The following RBM4B variants were observed in gnomAD, a reference collection of about 807,000 sequenced individuals.
The protein encoded by RBM4B is RNA binding motif protein 4B, also known as RNA-binding protein 4B.
RBM4B carries 13 observed loss-of-function variants against 28.5 expected under a neutral mutation model. That is an observed-to-expected ratio of 0.46 (90% CI 0.30 to 0.72). The LOEUF (loss-of-function observed/expected upper bound fraction) is 0.72. RBM4B is among the 30% of genes least tolerant of loss of function. RBM4B has a pLI of 0.09. For synonymous variants in RBM4B, 167 were observed against 179.1 expected (o/e 0.93, Z 0.54); for missense variants, 387 against 477.6 (o/e 0.81, Z 1.77).
rs145628127 is a variant in RBM4B, at chr11:66,668,646, C to T, written c.1058G>A (p.Arg353Gln). Residue 353 changes from arginine (R) to glutamine (Q), a missense_variant, in exon 3 of 4, where the codon CGA (arginine) becomes CAA (glutamine). Transcript: ENST00000310046. Reference protein sequence around the residue: ...ARYEREQYVDRARYSAF With the variant: ...ARYEREQYVDQARYSAF ...TTTTTAAAAGGCTGAGTACCGGGCT[C>T]GGTCCACATACTGCTCCCGTTCATA... 6.9e-5 allele frequency: 110 copies of T among 1,605,522 alleles called. No individual in the cohort carries two copies. Among genetic ancestry groups the T allele is most frequent in the Non-Finnish European group, 8.7e-5 (102 of 1,172,772 alleles).
chr11:66,672,497 A>T (rs560383381), intron 2 of RBM4B, among the ~76,000 whole-genome samples: 41 of 139,172 alleles, frequency 2.9e-4, no homozygotes, highest in African/African-American at 1.1e-3. Context: ...TATTTTTATT[A>T]ATTTTTTTGG....
chr11:66,676,692 C>A lies in RBM4B; in HGVS notation c.388G>T (p.Gly130Cys), dbSNP rs1263114201. The A allele has an allele frequency of 6.2e-7, 1 of 1,613,898 alleles. No homozygotes were observed. The highest frequency in any genetic ancestry group is 1.3e-5 in the African/African-American group (1 of 74,904). ...CCTTGAAACTCTGTGTTGTCAAGGC[C>A]CCTGATGGCCTCCACTGCATCCTCT... ...RAEDAVEAIR[G>C]LDNTEFQGKR... Residue 130 changes from glycine (G) to cysteine (C), a missense_variant, in exon 2 of 4, where the codon GGC becomes TGC. Gly to Cys is a radical substitution (Grantham distance 159). Transcript: ENST00000310046.
intron 2 of RBM4B, among the ~76,000 whole-genome samples, chr11:66,672,505 T>TTG (rs1554972766): frequency 2.8e-4 from 38 of 135,946 alleles, no homozygotes; most frequent in South Asian, 4.9e-4. Context: ...TTAATTTTTT[T>TTG]GGGGGGGGGG....
chr11:66,677,276 C>G (rs1939670579), intron 1 of RBM4B, 185 bp from the exon 2 acceptor site: 1 of 713,456 alleles, frequency 1.4e-6, no homozygotes. Flanking sequence ...GCGTGACATG[C>G]AAACAGGAGG....
intron 3 of RBM4B, chr11:66,668,292 A>T: frequency 2.0e-5 from 5 of 246,474 alleles, no homozygotes; most frequent in South Asian, 1.8e-4. Context: ...TGATATACAG[A>T]GGGCACATAA....
chr11:66,676,365 A>G (rs1417646343), intron 2 of RBM4B: 6 of 528,156 alleles, frequency 1.1e-5, no homozygotes, highest in Non-Finnish European at 1.7e-5. Context: ...CTCATGAGGT[A>G]CTCGTTTCCC....
Position 66,665,581 on chromosome 11 carries a change from G to T in RBM4B, c.*10-3C>A. On this transcript the variant is annotated splice_polypyrimidine_tract_variant and splice_region_variant and intron_variant, in intron 3 of 3. Coordinates refer to ENST00000310046, the MANE Select transcript of RBM4B (RefSeq NM_031492.4). The stretch of plus-strand genomic sequence containing the variant: ...GGTTCAGTCCGCAATTATCCTACCT[G>T]AAAGAGAGCACAACACAAGAGGCTT... The T allele has an allele frequency of 6.5e-7, 1 of 1,535,900 alleles. No individual in the cohort carries two copies. Among genetic ancestry groups the T allele is most frequent in the Non-Finnish European group, 8.7e-7 (1 of 1,146,786 alleles).
chr11:66,672,504 T>TGG (rs1183341363), intron 2 of RBM4B, among the ~76,000 whole-genome samples: 188 of 144,634 alleles, frequency 1.3e-3, no homozygotes, highest in African/African-American at 4.0e-3. Context: ...ATTAATTTTT[T>TGG]TGGGGGGGGG....
In RBM4B at chr11:66,668,744, G is replaced by A. The variant is rs763719303; in HGVS notation, c.960C>T (p.Tyr320=). ...ATAATTCACTCTCTGGCCCATAACC[G>A]TAGCCCTCTCCAACTGTGGGGAGCA... ...AAMLPTVGEG[Y]GYGPESELSQ... is the part of the protein sequence containing the mutation. The change falls in exon 3 of 4, where the codon TAC becomes TAT. Residue 320 remains tyrosine (Y), a synonymous_variant. Transcript: ENST00000310046. 4.3e-5 allele frequency: 70 copies of A among 1,614,040 alleles called. No individual in the cohort carries two copies. The highest frequency in any genetic ancestry group is 4.2e-4 in the South Asian group (38 of 91,092).
At chr11:66,666,110 T>C in intron 3 of RBM4B, 2 of 808,694 alleles carry the variant, frequency 2.5e-6, no homozygotes, top group Non-Finnish European at 3.8e-6. Flanking sequence ...CACCTACATG[T>C]CACACTGTCA....
intron 2 of RBM4B, among the ~76,000 whole-genome samples, chr11:66,671,899 G>T (rs1363663857): frequency 1.3e-5 from 2 of 151,936 alleles, no homozygotes; most frequent in Non-Finnish European, 2.9e-5. Flanking sequence ...GCCACCATTG[G>T]TGTGGTTTTA....
chr11:66,668,872 T>G lies in RBM4B; in HGVS notation c.832A>C (p.Asn278His). The G allele has an allele frequency of 1.9e-6, 3 of 1,614,148 alleles. No individual in the cohort carries two copies. Among genetic ancestry groups the G allele is most frequent in the Non-Finnish European group, 2.5e-6 (3 of 1,180,016 alleles). The change falls in exon 3 of 4, where the codon AAC becomes CAC. Residue 278 changes from asparagine (N) to histidine (H), a missense_variant. Coordinates refer to ENST00000310046, the MANE Select transcript of RBM4B (RefSeq NM_031492.4). ...VDPYDRHLLP[N>H]SGAAATSAAM... is the part of the protein sequence containing the mutation. The stretch of plus-strand genomic sequence containing the variant: ...GCTGAAGTGGCAGCAGCGCCAGAGT[T>G]TGGCAATAGGTGTCTGTCATAGGGA...
intron 2 of RBM4B, among the ~76,000 whole-genome samples, chr11:66,674,834 T>G (rs1265113741): frequency 6.6e-6 from 1 of 152,180 alleles, no homozygotes; most frequent in East Asian, 1.9e-4. Flanking sequence ...CCTCCCAAAG[T>G]GGTGGGATTA....
chr11:66,676,989 A>C lies in RBM4B; in HGVS notation c.91T>G (p.Cys31Gly). The C allele has an allele frequency of 1.9e-6, 3 of 1,614,120 alleles. No individual in the cohort carries two copies. The highest frequency in any genetic ancestry group is 2.5e-6 in the Non-Finnish European group (3 of 1,180,020). Reference sequence around the variant, plus strand: ...AAGCCGTAATTCTTAATGATGTCACATTCCAGCACCTTCCCATACTGCTCG... The same window carrying C: ...AAGCCGTAATTCTTAATGATGTCACCTTCCAGCACCTTCCCATACTGCTCG... Reference protein sequence around the residue: ...LFEQYGKVLECDIIKNYGFVH... With the variant: ...LFEQYGKVLEGDIIKNYGFVH... The change falls in exon 2 of 4, where the codon TGT becomes GGT. Residue 31 changes from cysteine (C) to glycine (G), a missense_variant. Coordinates refer to ENST00000310046, the MANE Select transcript of RBM4B (RefSeq NM_031492.4).
chr11:66,676,153 A>C lies in RBM4B; in HGVS notation c.412+515T>G, dbSNP rs1443515355. ...AAGAGACTGCACAACTTTGATCAACAAAAAGATACTCCCGCAGATCCAGAC... is the reference window on the plus strand; with the variant it reads ...AAGAGACTGCACAACTTTGATCAACCAAAAGATACTCCCGCAGATCCAGAC... On this transcript the variant is annotated intron_variant, in intron 2 of 3. Transcript: ENST00000310046. 3 of 159,960 alleles carry C rather than the reference A, an allele frequency of 1.9e-5. No homozygotes were observed. In the East Asian group the frequency reaches 5.5e-4, roughly 30 times the overall value. 9.9% of individuals were successfully genotyped at this position (159,960 alleles called of 1,614,324 possible). A position where few individuals can be genotyped will look rare whatever the true frequency, so the allele number is the denominator to read the frequency against.
At chr11:66,677,367 T>C in intron 1 of RBM4B, 1 of 493,018 alleles carries the variant, frequency 2.0e-6, no homozygotes, top group Non-Finnish European at 3.6e-6. Flanking sequence ...CTGCTTCATG[T>C]CTTAAAATGA....
chr11:66,672,268 G>A (rs902933348), intron 2 of RBM4B, among the ~76,000 whole-genome samples: 1 of 151,098 alleles, frequency 6.6e-6, no homozygotes, highest in Non-Finnish European at 1.5e-5. Context: ...ACATTAGCTG[G>A]GCATGGTGGC....
intron 1 of RBM4B, 108 bp from the exon 2 acceptor site, chr11:66,677,199 C>T (rs1378594726): frequency 1.5e-6 from 2 of 1,305,472 alleles, no homozygotes; most frequent in African/African-American, 1.5e-5. Context: ...TCAAGACCCT[C>T]GTACAGACAT....
chr11:66,665,726 C>G (rs1939204241), intron 3 of RBM4B, 148 bp from the exon 4 acceptor site: 3 of 1,363,142 alleles, frequency 2.2e-6, no homozygotes, highest in Non-Finnish European at 3.0e-6. Context: ...ACTCATATCC[C>G]ATGTAATTAC....
Sources: gnomAD v4.1 joint callset for allele counts (sites outside exome capture counted in the v4.1 genomes callset) on GRCh38, gnomAD v4.1.1 for gene constraint, MANE v1.5 for transcripts, NCBI Gene and HGNC (gene_info 2026-07-23, HGNC 2026-07-21) for gene names.